Variants in MOB3B observed in about 807,000 individuals in gnomAD.
MOB3B encodes the protein MOB kinase activator-like 2B.
A neutral mutation model predicts 18.7 loss-of-function variants in MOB3B; 7 were observed. The observed-to-expected ratio is 0.37, with a 90% CI of 0.21 to 0.70. The LOEUF (loss-of-function observed/expected upper bound fraction) is 0.70, where lower values mean the gene tolerates loss of function less well. Among genes scored for constraint, MOB3B ranks in the 30% least tolerant of loss-of-function variants. The pLI is 0.52. For synonymous variants in MOB3B, 111 were observed against 99.9 expected (o/e 1.11, Z -0.66); for missense variants, 253 against 281.3 (o/e 0.90, Z 0.72).
intron 1 of MOB3B, among the ~76,000 whole-genome samples, chr9:27,523,565 T>C (rs1392620331): frequency 6.6e-6 from 1 of 152,048 alleles, no homozygotes; most frequent in Non-Finnish European, 1.5e-5. Flanking sequence ...TCCAGGACTT[T>C]TAAGAAAGGT....
intron 1 of MOB3B, among the ~76,000 whole-genome samples, chr9:27,485,636 A>G (rs1449947011): frequency 6.6e-6 from 1 of 152,158 alleles, no homozygotes; most frequent in African/African-American, 2.4e-5. Flanking sequence ...TACATCCTAC[A>G]TTCTCTTCCC....
At chr9:27,376,099 A>AGTCAT (rs987455411) in intron 2 of MOB3B, among the ~76,000 whole-genome samples, 1 of 152,236 alleles carries the variant, frequency 6.6e-6, no homozygotes, top group African/African-American at 2.4e-5. Flanking sequence ...GTACAATTAG[A>AGTCAT]GTCATACTAA....
chr9:27,454,359 G>A (rs1822837454), intron 2 of MOB3B, among the ~76,000 whole-genome samples: 1 of 152,180 alleles, frequency 6.6e-6, no homozygotes, highest in Non-Finnish European at 1.5e-5. Context: ...CATTATGTTA[G>A]GCACTGGAGC....
chr9:27,343,320 C>T (rs1360442890), intron 3 of MOB3B, among the ~76,000 whole-genome samples: 1 of 151,402 alleles, frequency 6.6e-6, no homozygotes, highest in African/African-American at 2.4e-5. Context: ...CTCAAGTACC[C>T]AGGGACACAA....
At chr9:27,393,937 T>A (rs1467561046) in intron 2 of MOB3B, among the ~76,000 whole-genome samples, 1 of 152,174 alleles carries the variant, frequency 6.6e-6, no homozygotes, top group Non-Finnish European at 1.5e-5. Flanking sequence ...TGAACACTCA[T>A]GAGTGTTCAG....
chr9:27,414,693 C>T (rs1822119901), intron 2 of MOB3B, among the ~76,000 whole-genome samples: 1 of 151,794 alleles, frequency 6.6e-6, no homozygotes, highest in East Asian at 1.9e-4. Flanking sequence ...GCAACATAAA[C>T]ACAAGGTGAC....
intron 3 of MOB3B, among the ~76,000 whole-genome samples, chr9:27,339,099 C>A (rs1360572025): frequency 6.6e-6 from 1 of 152,154 alleles, no homozygotes; most frequent in Non-Finnish European, 1.5e-5. Context: ...ATGCACTCCC[C>A]CTAGGCTCAG....
At position 27,328,852 on chromosome 9, in the gene MOB3B, C is replaced by G. The variant is rs912041947; in HGVS notation, c.*1735G>C. ...AAGAGATGTAGGGAAAAAACTTTGC[C>G]TATCTTGTCCTCTCAAAGTTACTTA... On this transcript the variant is annotated 3_prime_UTR_variant, in exon 4 of 4. Transcript: ENST00000262244. 2.6e-5 allele frequency: 4 copies of G among 152,582 alleles called. No homozygotes were observed. Among genetic ancestry groups the G allele is most frequent in the Non-Finnish European group, 4.4e-5 (3 of 68,038 alleles). The allele number at this position is 152,582 out of a possible 1,614,324, so 9.5% of individuals were successfully genotyped here.
chr9:27,378,290 A>G, intron 2 of MOB3B: 1 of 460,656 alleles, frequency 2.2e-6, no homozygotes, highest in Non-Finnish European at 4.5e-6. Context: ...TCAGCTGGGG[A>G]GGGAATGAGG....
rs535846611 is a variant in MOB3B at position 27,514,057 on chromosome 9, A to G, written c.-199+15498T>C. Among the ~76,000 whole-genome samples the G allele has an allele frequency of 5.3e-5, 8 of 152,282 alleles. No homozygotes were observed. The South Asian group carries it at 1.7e-3, about 32-fold the overall frequency. On this transcript the variant is annotated intron_variant, in intron 1 of 3. Coordinates refer to ENST00000262244, the MANE Select transcript of MOB3B (RefSeq NM_024761.5). ...ATGAGTGATTCTGGCAGGGATGTATATAGGGCAATCCCAGTTTCTCCTGAA... is the reference window on the plus strand; with the variant it reads ...ATGAGTGATTCTGGCAGGGATGTATGTAGGGCAATCCCAGTTTCTCCTGAA...
intron 2 of MOB3B, among the ~76,000 whole-genome samples, chr9:27,368,720 G>A (rs1176929845): frequency 6.6e-6 from 1 of 152,188 alleles, no homozygotes; most frequent in African/African-American, 2.4e-5. Context: ...TGGGCCAAAA[G>A]AAAGACAAAC....
At position 27,417,859 on chromosome 9, in the gene MOB3B, G is replaced by A. The variant is rs544985715; in HGVS notation, c.418+37274C>T. ...CGGTGGATCACAAGGCCAAGAGATC[G>A]AGACCATCCTGGCCAACTTGGTGAA... is the stretch of plus-strand genomic sequence containing the variant. On this transcript the variant is annotated intron_variant, in intron 2 of 3. Transcript: ENST00000262244. Among the ~76,000 whole-genome samples the A allele has an allele frequency of 4.3e-4, 66 of 152,110 alleles. No individual in the cohort carries two copies. In the East Asian group the frequency reaches 0.01, roughly 24 times the overall value.
chr9:27,401,776 G>A (rs1821884976), intron 2 of MOB3B, among the ~76,000 whole-genome samples: 1 of 152,184 alleles, frequency 6.6e-6, no homozygotes, highest in Non-Finnish European at 1.5e-5. Flanking sequence ...ATACAGGTAA[G>A]CAAAGGTTAG....
intron 2 of MOB3B, among the ~76,000 whole-genome samples, chr9:27,389,951 AT>A (rs1211931762): frequency 5.9e-5 from 9 of 152,188 alleles, no homozygotes; most frequent in East Asian, 1.9e-4. Context: ...TGCTAAAAAA[AT>A]AATTAAAAAT....
intron 2 of MOB3B, among the ~76,000 whole-genome samples, chr9:27,405,610 C>A (rs1355837798): frequency 6.6e-6 from 1 of 151,880 alleles, no homozygotes; most frequent in Non-Finnish European, 1.5e-5. Flanking sequence ...TCCATTTTTG[C>A]TTTAGTTGCC....
chr9:27,469,228 T>C (rs1819435054), intron 1 of MOB3B, among the ~76,000 whole-genome samples: 1 of 152,054 alleles, frequency 6.6e-6, no homozygotes. Context: ...TCAGCCTCCC[T>C]AGATGCTGGG....
At chr9:27,507,136 G>A (rs1211152023) in intron 1 of MOB3B, among the ~76,000 whole-genome samples, 4 of 152,070 alleles carry the variant, frequency 2.6e-5, no homozygotes, top group East Asian at 3.9e-4. Flanking sequence ...TTATCATTGT[G>A]TCTATGAGTC....
Position 27,325,332 on chromosome 9 carries a change from G to C in MOB3B, c.*5255C>G, listed in dbSNP as rs899008692. 6 of 152,022 alleles carry C rather than the reference G, an allele frequency of 3.9e-5. No homozygotes were observed. The highest frequency in any genetic ancestry group is 7.4e-5 in the Non-Finnish European group (5 of 68,008). 9.4% of individuals were successfully genotyped at this position (152,022 alleles called of 1,614,324 possible). On this transcript the variant is annotated 3_prime_UTR_variant, in exon 4 of 4. Transcript: ENST00000262244. ...GATTTAATTGTTAGTTTTCCTTATA[G>C]TCAAATGCTTAATACAATCATAAAT...
At chr9:27,392,528 C>T (rs536648982) in intron 2 of MOB3B, among the ~76,000 whole-genome samples, 1 of 152,154 alleles carries the variant, frequency 6.6e-6, no homozygotes, top group East Asian at 1.9e-4. Flanking sequence ...AACTCTCACT[C>T]ATTTCATAAA....
Sources: allele counts gnomAD v4.1 joint callset (sites outside exome capture counted in the v4.1 genomes callset), GRCh38; gene constraint gnomAD v4.1.1; transcripts MANE v1.5; gene names NCBI Gene and HGNC (gene_info 2026-07-23, HGNC 2026-07-21).